The following ETV1 variants were observed in gnomAD, a reference collection of about 807,000 sequenced individuals.
The protein encoded by ETV1 is ETS variant transcription factor 1, also known as ETS translocation variant 1.
Under a neutral mutation model 62.3 loss-of-function variants are expected in ETV1, and 27 were observed. That is an observed-to-expected ratio of 0.43 (90% CI 0.32 to 0.60). The LOEUF is 0.60. Ranked by LOEUF, ETV1 falls within the 20% of genes least tolerant of loss-of-function variation. The probability of loss-of-function intolerance (pLI) is 0.06; values close to 1 mark genes in which losing one functional copy is unlikely to be tolerated. For missense variants in ETV1, 605 were observed against 605.8 expected, an observed-to-expected ratio of 1.00 and a Z score of 0.01; for synonymous variants, 222 against 199.6, an observed-to-expected ratio of 1.11 and a Z score of -0.94.
chr7:13,913,878 C>CTTTTTTTTTT (rs544899107), intron 9 of ETV1, among the ~76,000 whole-genome samples: 1 of 87,966 alleles, frequency 1.1e-5, no homozygotes, highest in Non-Finnish European at 2.1e-5. Flanking sequence ...GGGGGTACCT[C>CTTTTTTTTTT]TTTTTTTTTT....
At chr7:13,981,566 T>C (rs965146748) in intron 5 of ETV1, among the ~76,000 whole-genome samples, 4 of 151,874 alleles carry the variant, frequency 2.6e-5, no homozygotes, top group African/African-American at 9.7e-5. Context: ...AATACATACA[T>C]GCATCCTGCT....
chr7:13,962,243 T>C (rs1175121766), intron 6 of ETV1, among the ~76,000 whole-genome samples: 2 of 151,330 alleles, frequency 1.3e-5, no homozygotes, highest in African/African-American at 4.9e-5. Flanking sequence ...TTAGTCACCC[T>C]AGGGGAGATA....
At chr7:13,925,583 T>G (rs951379102) in intron 9 of ETV1, among the ~76,000 whole-genome samples, 25 of 144,356 alleles carry the variant, frequency 1.7e-4, no homozygotes, top group Non-Finnish European at 3.4e-4. Context: ...TTTTTTTTTT[T>G]GAGACAGAGT....
intron 9 of ETV1, among the ~76,000 whole-genome samples, chr7:13,925,864 T>A (rs1785365769): frequency 6.7e-6 from 1 of 150,176 alleles, no homozygotes; most frequent in Non-Finnish European, 1.5e-5. Context: ...CCCGACTGAT[T>A]TTTTTTTTTA....
At chr7:13,909,845 A>T in intron 10 of ETV1, 145 bp from the exon 11 acceptor site, 1 of 668,656 alleles carries the variant, frequency 1.5e-6, no homozygotes, top group Non-Finnish European at 2.6e-6. Flanking sequence ...ACATTATTTA[A>T]CCTCTGTGCC....
At chr7:13,920,525 T>C (rs1455199210) in intron 9 of ETV1, among the ~76,000 whole-genome samples, 1 of 152,098 alleles carries the variant, frequency 6.6e-6, no homozygotes, top group Non-Finnish European at 1.5e-5. Flanking sequence ...CGTCCATTCA[T>C]GTAAGAGAAA....
intron 9 of ETV1, among the ~76,000 whole-genome samples, chr7:13,914,908 T>A (rs539804923): frequency 6.6e-6 from 1 of 152,300 alleles, no homozygotes; most frequent in East Asian, 1.9e-4. Flanking sequence ...GAAATATCTG[T>A]ACAGAGCTGG....
chr7:13,899,240 C>T (rs948631276), intron 13 of ETV1, among the ~76,000 whole-genome samples: 9 of 151,936 alleles, frequency 5.9e-5, no homozygotes, highest in African/African-American at 2.2e-4. Context: ...GATCTTACTA[C>T]AAAAAGGTAG....
intron 4 of ETV1, 121 bp downstream of exon 4, chr7:13,987,965 G>C: frequency 1.6e-6 from 1 of 637,520 alleles, no homozygotes; most frequent in Middle Eastern, 2.5e-4. Context: ...TAAAGTCTTA[G>C]TTAGATTCAG....
chr7:13,954,719 C>A (rs1440446246), intron 6 of ETV1, among the ~76,000 whole-genome samples: 1 of 152,112 alleles, frequency 6.6e-6, no homozygotes, highest in African/African-American at 2.4e-5. Flanking sequence ...GGAAACAACC[C>A]TCAATGCTTG....
intron 6 of ETV1, among the ~76,000 whole-genome samples, chr7:13,956,380 A>C (rs931217142): frequency 3.3e-5 from 5 of 151,796 alleles, no homozygotes; most frequent in Admixed American, 6.6e-5. Flanking sequence ...GTGTACCCTT[A>C]AGGCTATATT....
chr7:13,911,401 G>A (rs1783554953), intron 9 of ETV1, 94 bp from the exon 10 acceptor site: 4 of 794,304 alleles, frequency 5.0e-6, no homozygotes, highest in South Asian at 1.5e-5. Context: ...ATACAGAAAC[G>A]GACACAGGTT....
Position 13,911,400 on chromosome 7 carries a change from C to T in ETV1, c.803-93G>A, listed in dbSNP as rs575455093. 2.3e-3 allele frequency: 1,840 copies of T among 798,722 alleles called. 4 individuals are homozygous for T. The highest frequency in any genetic ancestry group is 5.7e-3 in the Middle Eastern group (25 of 4,396). 49.5% of individuals were successfully genotyped at this position (798,722 alleles called of 1,614,324 possible). Reference sequence around the variant, plus strand: ...GGTGCAGACAGAGAAGATACAGAAACGGACACAGGTTCCAATGTGGGGAAC... The same window carrying T: ...GGTGCAGACAGAGAAGATACAGAAATGGACACAGGTTCCAATGTGGGGAAC... On this transcript the variant is annotated intron_variant, in intron 9 of 13. Transcript: ENST00000430479.
chr7:13,982,122 T>G (rs984742228), intron 5 of ETV1, among the ~76,000 whole-genome samples: 1 of 152,090 alleles, frequency 6.6e-6, no homozygotes, highest in Admixed American at 6.6e-5. Flanking sequence ...AACAGTAAAG[T>G]TTTAGTCGTT....
At chr7:13,959,454 T>C (rs556299076) in intron 6 of ETV1, among the ~76,000 whole-genome samples, 1 of 152,230 alleles carries the variant, frequency 6.6e-6, no homozygotes, top group African/African-American at 2.4e-5. Flanking sequence ...GTTTTTTAAA[T>C]ATTTTCATGC....
At chr7:13,952,102 G>C (rs565435203) in intron 6 of ETV1, among the ~76,000 whole-genome samples, 2 of 152,104 alleles carry the variant, frequency 1.3e-5, no homozygotes, top group African/African-American at 4.8e-5. Flanking sequence ...AAGGTATCCC[G>C]ACAGAAGGAA....
chr7:13,917,780 C>T (rs917246271), intron 9 of ETV1, among the ~76,000 whole-genome samples: 2 of 151,788 alleles, frequency 1.3e-5, no homozygotes, highest in Non-Finnish European at 2.9e-5. Context: ...CTGGCTAACA[C>T]GGTGAAACCC....
intron 9 of ETV1, among the ~76,000 whole-genome samples, chr7:13,922,636 G>C (rs922198299): frequency 2.3e-4 from 35 of 152,128 alleles, no homozygotes; most frequent in African/African-American, 8.2e-4. Flanking sequence ...TGTTCAAGAG[G>C]GAGAAATTAT....
At chr7:13,957,257 T>C (rs1396393043) in intron 6 of ETV1, among the ~76,000 whole-genome samples, 1 of 151,986 alleles carries the variant, frequency 6.6e-6, no homozygotes, top group Non-Finnish European at 1.5e-5. Flanking sequence ...AGCTAATTTT[T>C]TGTATTTTTT....
Sources: gnomAD v4.1 joint callset for allele counts (sites outside exome capture counted in the v4.1 genomes callset) on GRCh38, gnomAD v4.1.1 for gene constraint, MANE v1.5 for transcripts, NCBI Gene and HGNC (gene_info 2026-07-23, HGNC 2026-07-21) for gene names.